Variants in ARHGAP29 observed in about 807,000 individuals in gnomAD.
ARHGAP29 encodes Rho GTPase activating protein 29.
Under a neutral mutation model 122.6 loss-of-function variants are expected in ARHGAP29, and 43 were observed. The ratio of observed to expected loss-of-function variants is 0.35; its 90% confidence interval spans 0.27 to 0.45. The LOEUF (loss-of-function observed/expected upper bound fraction) is 0.45. ARHGAP29 is among the 20% of genes least tolerant of loss of function. The pLI is 1.00. For synonymous variants in ARHGAP29, 506 were observed against 497.1 expected (o/e 1.02, Z -0.24); for missense variants, 1,303 against 1,477.2 (o/e 0.88, Z 1.93).
the ARHGAP29 span, among the ~76,000 whole-genome samples, chr1:94,312,136 A>G: frequency 3.3e-5 from 5 of 152,020 alleles, no homozygotes; most frequent in South Asian, 1.0e-3. Context: ...AAGTTGTTAT[A>G]TTTGCTGTCT....
At chr1:94,295,017 A>G in the ARHGAP29 span, among the ~76,000 whole-genome samples, 2 of 152,178 alleles carry the variant, frequency 1.3e-5, no homozygotes, top group Admixed American at 1.3e-4. Flanking sequence ...AAGGTGAGAA[A>G]AGAGGTAAGA....
chr1:94,295,280 G>A, the ARHGAP29 span, among the ~76,000 whole-genome samples: 1 of 152,172 alleles, frequency 6.6e-6, no homozygotes, highest in Non-Finnish European at 1.5e-5. Flanking sequence ...ATAGAAGAAT[G>A]AGGAAGAATG....
At chr1:94,297,899 G>A in the ARHGAP29 span, among the ~76,000 whole-genome samples, 3 of 152,232 alleles carry the variant, frequency 2.0e-5, no homozygotes, top group South Asian at 2.1e-4. Flanking sequence ...TGAACTTGGA[G>A]CCCAAATAAC....
chr1:94,218,163 A>G (rs1314960250), intron 3 of ARHGAP29, among the ~76,000 whole-genome samples: 3 of 152,218 alleles, frequency 2.0e-5, no homozygotes, highest in Non-Finnish European at 4.4e-5. Context: ...AAATGGCCTC[A>G]AAAGTGAGAG....
chr1:94,273,876 T>G (rs1655086599), intron 1 of ARHGAP29, among the ~76,000 whole-genome samples: 1 of 151,848 alleles, frequency 6.6e-6, no homozygotes, highest in Non-Finnish European at 1.5e-5. Flanking sequence ...GATTAAAAAT[T>G]TAAAGAGCAG....
the ARHGAP29 span, among the ~76,000 whole-genome samples, chr1:94,309,304 G>A: frequency 6.6e-6 from 1 of 152,212 alleles, no homozygotes; most frequent in Admixed American, 6.5e-5. Flanking sequence ...ACAACAGCGA[G>A]AGGATGGTGG....
At chr1:94,203,072 T>C (rs1650962332) in intron 9 of ARHGAP29, 28 bp downstream of exon 9, 1 of 1,594,762 alleles carries the variant, frequency 6.3e-7, no homozygotes, top group African/African-American at 1.4e-5. Flanking sequence ...AAAATAAAAG[T>C]GCATTATACA....
At chr1:94,236,738 G>C (rs1041368070) in intron 1 of ARHGAP29, among the ~76,000 whole-genome samples, 5 of 151,866 alleles carry the variant, frequency 3.3e-5, no homozygotes, top group Admixed American at 6.5e-5. Context: ...AATTGAACTG[G>C]GACAAACCTC....
chr1:94,218,263 C>T (rs1557869461), intron 3 of ARHGAP29, among the ~76,000 whole-genome samples: 1 of 152,118 alleles, frequency 6.6e-6, no homozygotes, highest in Non-Finnish European at 1.5e-5. Flanking sequence ...TCATAGAGTT[C>T]TACCAAACAG....
intron 22 of ARHGAP29, among the ~76,000 whole-genome samples, chr1:94,175,522 G>A (rs1649039974): frequency 6.6e-6 from 1 of 151,964 alleles, no homozygotes; most frequent in Non-Finnish European, 1.5e-5. Flanking sequence ...AGCTACAGTC[G>A]GCCCCAAGCA....
At chr1:94,271,900 AC>A (rs1655009163) in intron 1 of ARHGAP29, among the ~76,000 whole-genome samples, 1 of 152,152 alleles carries the variant, frequency 6.6e-6, no homozygotes, top group South Asian at 2.1e-4. Context: ...ACACTTTGGA[AC>A]CTTTGTGTCC....
chr1:94,283,200 A>G, the ARHGAP29 span, among the ~76,000 whole-genome samples: 4 of 152,144 alleles, frequency 2.6e-5, no homozygotes, highest in African/African-American at 9.7e-5. Flanking sequence ...TTTTTGTAGC[A>G]AGTAACCAGC....
the ARHGAP29 span, among the ~76,000 whole-genome samples, chr1:94,285,581 G>C: frequency 6.6e-6 from 1 of 152,072 alleles, no homozygotes; most frequent in Non-Finnish European, 1.5e-5. Flanking sequence ...GAAGGAGAGG[G>C]AATGTACTGG....
chr1:94,230,984 G>T (rs1361001776), intron 2 of ARHGAP29, among the ~76,000 whole-genome samples: 1 of 151,668 alleles, frequency 6.6e-6, no homozygotes, highest in African/African-American at 2.4e-5. Flanking sequence ...AGTCATTTTA[G>T]ATACCAAAAC....
At chr1:94,269,123 G>T (rs1422808929) in intron 1 of ARHGAP29, among the ~76,000 whole-genome samples, 1 of 152,034 alleles carries the variant, frequency 6.6e-6, no homozygotes, top group African/African-American at 2.4e-5. Context: ...AGAGTAATGA[G>T]TTCTCTAGGA....
chr1:94,253,686 G>A (rs1481455708), intron 1 of ARHGAP29, among the ~76,000 whole-genome samples: 1 of 150,942 alleles, frequency 6.6e-6, no homozygotes, highest in Non-Finnish European at 1.5e-5. Flanking sequence ...ACACATTAAG[G>A]CTTTTCTCTA....
Position 94,173,899 on chromosome 1 carries a change from G to T in ARHGAP29, c.3756C>A (p.Asp1252Glu). Residue 1252 changes from aspartate (D) to glutamate (E), a missense_variant, in exon 23 of 23, where the codon GAC (aspartate) becomes GAA (glutamate). Physicochemically the swap from Asp to Glu is conservative, Grantham distance 45. This residue lies in a region of ARHGAP29 where 620 missense variants were observed against 651.2 expected (regional missense o/e 0.95). Coordinates refer to ENST00000260526, the MANE Select transcript of ARHGAP29 (RefSeq NM_004815.4). Reference protein sequence around the residue: ...PRLKRMQQFEDLEGEIPQFV With the variant: ...PRLKRMQQFEELEGEIPQFV ...CAAATTGTGGAATTTCACCTTCGAG[G>T]TCTTCAAACTGTTGCATTCGTTTTA... 1.2e-6 allele frequency: 2 copies of T among 1,607,308 alleles called. No individual in the cohort carries two copies. Among genetic ancestry groups the T allele is most frequent in the Non-Finnish European group, 1.7e-6 (2 of 1,175,498 alleles).
At chr1:94,245,241 C>T (rs1653744434) in intron 1 of ARHGAP29, among the ~76,000 whole-genome samples, 1 of 152,158 alleles carries the variant, frequency 6.6e-6, no homozygotes, top group Non-Finnish European at 1.5e-5. Context: ...CTTTTGTATG[C>T]ATCCAAAAGA....
intron 2 of ARHGAP29, among the ~76,000 whole-genome samples, chr1:94,221,601 ATT>A (rs906666796): frequency 2.0e-5 from 3 of 150,638 alleles, no homozygotes; most frequent in African/African-American, 7.3e-5. Context: ...ATATAGAAAT[ATT>A]TGTGTATATA....
Sources: gnomAD v4.1 joint callset for allele counts (sites outside exome capture counted in the v4.1 genomes callset) on GRCh38, gnomAD v4.1.1 for gene constraint, gnomAD v4.1.1 regional missense constraint, MANE v1.5 for transcripts, NCBI Gene and HGNC (gene_info 2026-07-23, HGNC 2026-07-21) for gene names.